Variants in IFT52 observed in about 807,000 individuals in gnomAD.
IFT52 encodes the protein intraflagellar transport protein 52 homolog.
In IFT52, 44 loss-of-function variants were observed where a neutral mutation model predicts 54.4. The observed-to-expected ratio is 0.81, with a 90% confidence interval of 0.63 to 1.04. The LOEUF (loss-of-function observed/expected upper bound fraction) is 1.04. Among genes scored for constraint, IFT52 ranks in the 50% least tolerant of loss-of-function variants. The probability of loss-of-function intolerance (pLI) is 0.00; values close to 1 mark genes in which losing one functional copy is unlikely to be tolerated. For missense variants in IFT52, 452 were observed against 523.6 expected (o/e 0.86, Z 1.33); for synonymous variants, 181 against 185.3 (o/e 0.98, Z 0.19).
At chr20:43,635,781 C>A in intron 10 of IFT52, 145 bp from the exon 11 acceptor site, 1 of 654,314 alleles carries the variant, frequency 1.5e-6, no homozygotes, top group East Asian at 2.8e-5. Flanking sequence ...GGTGTATACC[C>A]AGTAATGGGA....
chr20:43,607,257 G>T (rs1982990059), intron 6 of IFT52, among the ~76,000 whole-genome samples: 1 of 143,116 alleles, frequency 7.0e-6, no homozygotes, highest in Non-Finnish European at 1.5e-5. Context: ...TGGCCGGGCG[G>T]GGGGCTGACC....
chr20:43,614,374 A>G (rs1383703907), intron 7 of IFT52, among the ~76,000 whole-genome samples: 3 of 151,814 alleles, frequency 2.0e-5, no homozygotes, highest in Non-Finnish European at 4.4e-5. Flanking sequence ...AGCTAAGACT[A>G]CAGGCACCTA....
intron 10 of IFT52, among the ~76,000 whole-genome samples, chr20:43,629,347 AC>A (rs1984993904): frequency 1.5e-5 from 1 of 66,968 alleles, no homozygotes; most frequent in African/African-American, 4.0e-5. Context: ...ATCTCGACTC[AC>A]TGCAAGCTCC....
Position 43,635,353 on chromosome 20 carries a change from C to T in IFT52, c.924-573C>T, listed in dbSNP as rs144849874. ...TTGCCCAGGCTGGAGTGCAATCGCA[C>T]GATCTCTGCTCACTGTAACCTCCGC... On this transcript the variant is annotated intron_variant, in intron 10 of 13. Coordinates refer to ENST00000373030, the MANE Select transcript of IFT52 (RefSeq NM_016004.5). 9.3e-3 allele frequency among the ~76,000 whole-genome samples: 1,421 copies of T among 152,118 alleles called. 22 individuals are homozygous for T. Among genetic ancestry groups the T allele is most frequent in the African/African-American group, 0.032 (1,315 of 41,510 alleles).
At position 43,647,118 on chromosome 20, in the gene IFT52, C is replaced by T. The variant is rs1479211476; in HGVS notation, c.*135C>T. On this transcript the variant is annotated 3_prime_UTR_variant, in exon 14 of 14. Transcript: ENST00000373030. ...GAGCTCTGGAAGGTATATGCATCTTCTGTAATACTCAGATAGGTATAAGAT... is the reference window on the plus strand; with the variant it reads ...GAGCTCTGGAAGGTATATGCATCTTTTGTAATACTCAGATAGGTATAAGAT... The T allele has an allele frequency of 8.2e-6, 6 of 734,720 alleles. No homozygotes were observed. In the East Asian group the frequency reaches 1.5e-4, roughly 18 times the overall value. The allele number at this position is 734,720 out of a possible 1,614,324, so 45.5% of individuals were successfully genotyped here. A position where few individuals can be genotyped will look rare whatever the true frequency, so the allele number is the denominator to read the frequency against.
chr20:43,593,892 G>A (rs1981724038), intron 1 of IFT52, among the ~76,000 whole-genome samples: 1 of 152,054 alleles, frequency 6.6e-6, no homozygotes, highest in African/African-American at 2.4e-5. Flanking sequence ...GAATATGGTA[G>A]ATCCATGTGT....
intron 10 of IFT52, 21 bp downstream of exon 10, chr20:43,624,066 G>C (rs1984545627): frequency 6.2e-7 from 1 of 1,612,124 alleles, no homozygotes; most frequent in Admixed American, 1.7e-5. Context: ...GTGGGCCTCT[G>C]AGCCACACTG....
At chr20:43,612,707 A>ACAAT (rs10646057) in intron 6 of IFT52, among the ~76,000 whole-genome samples, 116,171 of 151,400 alleles carry the variant, frequency 0.77, 44,813 homozygotes, top group East Asian at 0.8. Context: ...ACAAAACAAA[A>ACAAT]CAAACAAAAA....
At chr20:43,646,697 T>C (rs1254213774) in intron 13 of IFT52, among the ~76,000 whole-genome samples, 2 of 152,160 alleles carry the variant, frequency 1.3e-5, no homozygotes, top group Non-Finnish European at 2.9e-5. Context: ...GCACCAGTGC[T>C]TTCAACTCTG....
chr20:43,639,680 ATTTTT>A lies in IFT52; in HGVS notation c.1120+2430_1120+2434del, dbSNP rs1038686920. On this transcript the variant is annotated intron_variant, in intron 12 of 13. Coordinates refer to ENST00000373030, the MANE Select transcript of IFT52 (RefSeq NM_016004.5). ...AGCGAAACTCCATCTAAAAAAAAAA[ATTTTT>A]TTAAGTAGCCAGGTGCGGTGACGCA... Among the ~76,000 whole-genome samples, 90 of 151,822 alleles carry A rather than the reference ATTTTT, an allele frequency of 5.9e-4. 1 individual carries two copies. The highest frequency in any genetic ancestry group is 1.1e-3 in the Non-Finnish European group (77 of 67,922).
intron 11 of IFT52, 72 bp from the exon 12 acceptor site, chr20:43,637,073 C>T: frequency 9.3e-7 from 1 of 1,071,170 alleles, no homozygotes; most frequent in African/African-American, 1.6e-5. Flanking sequence ...TGGACAAGCT[C>T]TTTCTTGAGA....
Position 43,620,931 on chromosome 20 carries a change from C to T in IFT52, c.768+6C>T, listed in dbSNP as rs1984253552. ...TTGATGCTGAGGACCCAGAGGTAGA[C>T]ACCGAATTATTAGAAACTTTTAAAT... On this transcript the variant is annotated splice_donor_region_variant and intron_variant, in intron 9 of 13. Coordinates refer to ENST00000373030, the MANE Select transcript of IFT52 (RefSeq NM_016004.5). 1 of 1,604,144 alleles carries T rather than the reference C, an allele frequency of 6.2e-7. No individual in the cohort carries two copies. The highest frequency in any genetic ancestry group is 1.1e-5 in the South Asian group (1 of 89,922).
chr20:43,611,486 C>T (rs1983447492), intron 6 of IFT52, among the ~76,000 whole-genome samples: 2 of 118,414 alleles, frequency 1.7e-5, no homozygotes, highest in South Asian at 5.7e-4. Context: ...GAGTTTCGCC[C>T]AGGCTGGAGT....
chr20:43,609,005 A>G (rs1983204465), intron 6 of IFT52, among the ~76,000 whole-genome samples: 1 of 151,694 alleles, frequency 6.6e-6, no homozygotes, highest in African/African-American at 2.4e-5. Context: ...GGAGGTCGAG[A>G]TGGGCCAATG....
Position 43,594,760 on chromosome 20 carries a change from C to T in IFT52, c.62C>T (p.Thr21Ile). 1 of 1,613,370 alleles carries T rather than the reference C, an allele frequency of 6.2e-7. No individual in the cohort carries two copies. Among genetic ancestry groups the T allele is most frequent in the Non-Finnish European group, 8.5e-7 (1 of 1,179,374 alleles). Reference protein sequence around the residue: ...FNAYKKEIFTTNNGYKSMQKK... With the variant: ...FNAYKKEIFTINNGYKSMQKK... ...GCCTACAAAAAGGAGATATTTACCA[C>T]CAACAATGGCTACAAATCCATGCAG... Residue 21 changes from threonine (T) to isoleucine (I), a missense_variant, in exon 2 of 14, where the codon ACC (threonine) becomes ATC (isoleucine). Physicochemically the swap from Thr to Ile is moderately conservative, Grantham distance 89 (BLOSUM62 -1). Transcript: ENST00000373030.
At chr20:43,608,725 C>T (rs1983176082) in intron 6 of IFT52, among the ~76,000 whole-genome samples, 1 of 151,554 alleles carries the variant, frequency 6.6e-6, no homozygotes, top group Non-Finnish European at 1.5e-5. Flanking sequence ...GGCAACATGG[C>T]GAAACCCTGT....
intron 10 of IFT52, among the ~76,000 whole-genome samples, chr20:43,633,172 C>T (rs1465518886): frequency 2.6e-5 from 4 of 151,348 alleles, no homozygotes; most frequent in Non-Finnish European, 4.4e-5. Context: ...AGAGAACCCC[C>T]GTCTCTACTA....
intron 10 of IFT52, among the ~76,000 whole-genome samples, chr20:43,624,505 C>T (rs1483544445): frequency 6.6e-6 from 1 of 152,082 alleles, no homozygotes; most frequent in Non-Finnish European, 1.5e-5. Context: ...TGCGGATGTG[C>T]AGGTGGAACT....
chr20:43,620,925 G>C lies in IFT52; in HGVS notation c.768G>C (p.Glu256Asp). Residue 256 changes from glutamate (E) to aspartate (D), a missense_variant and splice_region_variant, in exon 9 of 14, where the codon GAG becomes GAC. Glu to Asp is a conservative substitution (Grantham distance 45, BLOSUM62 2). Transcript: ENST00000373030. The part of the protein sequence containing the change: ...HLNQIDAEDP[E>D]ISDYMMLPYT... ...ACCAGATTGATGCTGAGGACCCAGA[G>C]GTAGACACCGAATTATTAGAAACTT... is the stretch of plus-strand genomic sequence containing the variant. 1 of 1,607,248 alleles carries C rather than the reference G, an allele frequency of 6.2e-7. No homozygotes were observed. The highest frequency in any genetic ancestry group is 8.5e-7 in the Non-Finnish European group (1 of 1,175,480).
Sources: allele counts gnomAD v4.1 joint callset (sites outside exome capture counted in the v4.1 genomes callset), GRCh38; gene constraint gnomAD v4.1.1; transcripts MANE v1.5; gene names NCBI Gene and HGNC (gene_info 2026-07-23, HGNC 2026-07-21).